Variants in YWHAQ observed in about 807,000 individuals in gnomAD.
YWHAQ encodes the protein 14-3-3 protein theta.
In YWHAQ, 6 loss-of-function variants were observed where a neutral mutation model predicts 28.3. That is an observed-to-expected ratio of 0.21 (90% CI 0.12 to 0.42). The LOEUF (loss-of-function observed/expected upper bound fraction) is 0.42. Ranked by LOEUF, YWHAQ falls within the 10% of genes least tolerant of loss-of-function variation. The probability of loss-of-function intolerance (pLI) is 1.00; values close to 1 mark genes in which losing one functional copy is unlikely to be tolerated. For synonymous variants in YWHAQ, 143 were observed against 119.1 expected (o/e 1.20, Z -1.31); for missense variants, 201 against 305.6 (o/e 0.66, Z 2.55).
chr2:9,612,163 A>G (rs1666961361), intron 2 of YWHAQ, among the ~76,000 whole-genome samples: 1 of 152,106 alleles, frequency 6.6e-6, no homozygotes, highest in African/African-American at 2.4e-5. Context: ...TCTCAGTCTC[A>G]TTCCTATTTC....
At chr2:9,625,692 A>G (rs1667235435) in intron 2 of YWHAQ, among the ~76,000 whole-genome samples, 1 of 152,220 alleles carries the variant, frequency 6.6e-6, no homozygotes, top group Non-Finnish European at 1.5e-5. Flanking sequence ...TAGGGGAGCA[A>G]AGTGAGTATA....
chr2:9,628,162 G>A (rs1360386499), intron 2 of YWHAQ, among the ~76,000 whole-genome samples: 1 of 151,702 alleles, frequency 6.6e-6, no homozygotes, highest in East Asian at 1.9e-4. Context: ...GCTTTCCCAA[G>A]ATATTTTTTA....
chr2:9,616,185 A>G (rs570343260), intron 2 of YWHAQ, among the ~76,000 whole-genome samples: 12 of 152,314 alleles, frequency 7.9e-5, no homozygotes, highest in South Asian at 2.1e-4. Flanking sequence ...TATATTTTCT[A>G]TAAGTGTGAG....
chr2:9,593,923 T>TATATATACAC (rs377495113), intron 2 of YWHAQ, among the ~76,000 whole-genome samples: 17 of 135,164 alleles, frequency 1.3e-4, no homozygotes, highest in African/African-American at 4.1e-4. Flanking sequence ...TATATATATA[T>TATATATACAC]ACACACACAC....
chr2:9,610,053 C>A (rs1666914554), intron 2 of YWHAQ, among the ~76,000 whole-genome samples: 1 of 152,192 alleles, frequency 6.6e-6, no homozygotes, highest in Admixed American at 6.5e-5. Context: ...AGGACAGTTA[C>A]ATGATTTTTT....
intron 2 of YWHAQ, among the ~76,000 whole-genome samples, chr2:9,624,185 G>C (rs1667200989): frequency 6.6e-6 from 1 of 152,222 alleles, no homozygotes; most frequent in Non-Finnish European, 1.5e-5. Context: ...GAGCCCGGGA[G>C]GTGGAGGTTG....
rs566123999 is a variant in YWHAQ at position 9,617,132 on chromosome 2, T to C, written c.294+13027A>G. Among the ~76,000 whole-genome samples, 6 of 151,622 alleles carry C rather than the reference T, an allele frequency of 4.0e-5. No individual in the cohort carries two copies. The East Asian group carries it at 1.2e-3, about 29-fold the overall frequency. The stretch of plus-strand genomic sequence containing the variant: ...CCTGCCACTACGCCCGGCTAATTTT[T>C]TTTTTTTTTTTAGTAGAGACGGGGT... On this transcript the variant is annotated intron_variant, in intron 2 of 5. Coordinates refer to ENST00000238081, the MANE Select transcript of YWHAQ (RefSeq NM_006826.4).
intron 2 of YWHAQ, among the ~76,000 whole-genome samples, chr2:9,601,157 T>TA (rs1283013635): frequency 6.6e-6 from 1 of 152,186 alleles, no homozygotes; most frequent in Non-Finnish European, 1.5e-5. Context: ...ATCCTGTAGA[T>TA]AAGACATTAA....
chr2:9,591,392 G>T lies in YWHAQ; in HGVS notation c.418C>A (p.Gln140Lys). 1 of 1,606,904 alleles carries T rather than the reference G, an allele frequency of 6.2e-7. No individual in the cohort carries two copies. Among genetic ancestry groups the T allele is most frequent in the Non-Finnish European group, 8.5e-7 (1 of 1,175,154 alleles). ...TTGCCCATATAACAAATAAACTTAC[G>T]TTTTCGATCATCACCACACGCAACT... ...AEVACGDDRKQTIDNSQGAYQ... is the reference protein window; with the variant it reads ...AEVACGDDRKKTIDNSQGAYQ... The change falls in exon 3 of 6, where the codon CAA (glutamine) becomes AAA (lysine). Residue 140 changes from glutamine (Q) to lysine (K), a missense_variant and splice_region_variant. Around this residue, in one of 2 missense-constraint regions of YWHAQ, gnomAD observed 162 missense variants for 213.9 expected, o/e 0.76. Transcript: ENST00000238081.
chr2:9,598,078 C>T (rs1045675086), intron 2 of YWHAQ, among the ~76,000 whole-genome samples: 1 of 148,546 alleles, frequency 6.7e-6, no homozygotes, highest in Non-Finnish European at 1.5e-5. Flanking sequence ...AGGTGGTCCG[C>T]CTGCCTTGGC....
intron 2 of YWHAQ, among the ~76,000 whole-genome samples, chr2:9,612,739 ACT>A (rs1271550545): frequency 6.6e-6 from 1 of 152,128 alleles, no homozygotes; most frequent in Non-Finnish European, 1.5e-5. Flanking sequence ...AAAAAGCAAC[ACT>A]AAGTATCTCC....
chr2:9,600,100 G>C (rs1167593621), intron 2 of YWHAQ, among the ~76,000 whole-genome samples: 1 of 152,182 alleles, frequency 6.6e-6, no homozygotes, highest in African/African-American at 2.4e-5. Flanking sequence ...CTGCAGATGT[G>C]GTAGAAACAG....
intron 2 of YWHAQ, among the ~76,000 whole-genome samples, chr2:9,621,254 G>A (rs1349829940): frequency 6.6e-6 from 1 of 152,116 alleles, no homozygotes; most frequent in Non-Finnish European, 1.5e-5. Flanking sequence ...ACAGCATCTG[G>A]TAACTCCATC....
At chr2:9,594,747 A>G (rs1321852595) in intron 2 of YWHAQ, among the ~76,000 whole-genome samples, 2 of 152,356 alleles carry the variant, frequency 1.3e-5, no homozygotes, top group East Asian at 3.9e-4. Flanking sequence ...TGCTCTGTTA[A>G]CTGTGGTAGA....
In YWHAQ at chr2:9,630,530, G is replaced by A; in HGVS notation, c.-78C>T. 3 of 1,361,410 alleles carry A rather than the reference G, an allele frequency of 2.2e-6. No homozygotes were observed. Among genetic ancestry groups the A allele is most frequent in the Non-Finnish European group, 2.9e-6 (3 of 1,026,912 alleles). The allele number at this position is 1,361,410 out of a possible 1,614,324, so 84.3% of individuals were successfully genotyped here. On this transcript the variant is annotated 5_prime_UTR_variant, in exon 2 of 6. Transcript: ENST00000238081. This position sits in a 1 kb window ranked among gnomAD's most constrained non-coding sequence, Gnocchi z 5.6. ...GCCGACCCGCAGCGGGAGGAGCCTC[G>A]AGAGCTGCGGAGGGGCGGGGCGGCG...
At chr2:9,588,764 CTG>C (rs907324491) in intron 3 of YWHAQ, among the ~76,000 whole-genome samples, 1 of 152,024 alleles carries the variant, frequency 6.6e-6, no homozygotes, top group African/African-American at 2.4e-5. Context: ...GAACGATACT[CTG>C]TGTCAAAAAC....
At chr2:9,593,407 C>A (rs953064961) in intron 2 of YWHAQ, among the ~76,000 whole-genome samples, 1 of 152,060 alleles carries the variant, frequency 6.6e-6, no homozygotes, top group African/African-American at 2.4e-5. Context: ...CAGGGTTTCA[C>A]CATGTTGACC....
chr2:9,619,096 T>C (rs535484653), intron 2 of YWHAQ, among the ~76,000 whole-genome samples: 2 of 152,330 alleles, frequency 1.3e-5, no homozygotes, highest in Non-Finnish European at 2.9e-5. Flanking sequence ...ATATGTTGCT[T>C]TGGTATCCTG....
At chr2:9,613,585 T>G (rs920670813) in intron 2 of YWHAQ, among the ~76,000 whole-genome samples, 4 of 152,138 alleles carry the variant, frequency 2.6e-5, no homozygotes, top group African/African-American at 9.7e-5. Flanking sequence ...AATCCAAGAC[T>G]CTAAATACAA....
Sources: gnomAD v4.1 joint callset for allele counts (sites outside exome capture counted in the v4.1 genomes callset) on GRCh38, gnomAD v4.1.1 for gene constraint, gnomAD v4.1.1 regional missense constraint, Gnocchi (gnomAD v3.1) non-coding constraint, MANE v1.5 for transcripts, NCBI Gene and HGNC (gene_info 2026-07-23, HGNC 2026-07-21) for gene names.